USP15: variants seen among roughly 807,000 people sequenced by gnomAD.
USP15 encodes ubiquitin carboxyl-terminal hydrolase 15.
In USP15, 18 loss-of-function variants were observed where a neutral mutation model predicts 127.1. That is an observed-to-expected ratio of 0.14 (90% CI 0.10 to 0.21). The LOEUF (loss-of-function observed/expected upper bound fraction) is 0.21, where lower values mean the gene tolerates loss of function less well. Among genes scored for constraint, USP15 ranks in the 10% least tolerant of loss-of-function variants. The pLI is 1.00. For synonymous variants in USP15, 364 were observed against 393.7 expected (o/e 0.92, Z 0.89); for missense variants, 805 against 1,159.9 (o/e 0.69, Z 4.44).
intron 8 of USP15, among the ~76,000 whole-genome samples, chr12:62,370,105 G>A (rs1367151897): frequency 6.6e-6 from 1 of 152,158 alleles, no homozygotes; most frequent in African/African-American, 2.4e-5. Context: ...CTCCCGAGTA[G>A]CTGGGACCAC....
intron 1 of USP15, among the ~76,000 whole-genome samples, chr12:62,286,862 G>A (rs1453519686): frequency 1.3e-5 from 2 of 151,900 alleles, no homozygotes; most frequent in African/African-American, 4.8e-5. Flanking sequence ...GCTTGAACCC[G>A]GGAGGTGGAA....
chr12:62,329,878 C>G (rs1319643675), intron 6 of USP15, among the ~76,000 whole-genome samples: 1 of 152,106 alleles, frequency 6.6e-6, no homozygotes, highest in East Asian at 1.9e-4. Flanking sequence ...ATAATTAAAT[C>G]AGAAGTGTTT....
At chr12:62,394,978 GCT>G (rs2067442037) in intron 19 of USP15, among the ~76,000 whole-genome samples, 1 of 151,940 alleles carries the variant, frequency 6.6e-6, no homozygotes, top group African/African-American at 2.4e-5. Flanking sequence ...ATAATAATAA[GCT>G]ATTTACAAGA....
At chr12:62,394,739 C>T (rs1227704837) in intron 19 of USP15, among the ~76,000 whole-genome samples, 1 of 151,874 alleles carries the variant, frequency 6.6e-6, no homozygotes, top group African/African-American at 2.4e-5. Context: ...GTCCCAGCTA[C>T]TCGGGAGGCT....
intron 5 of USP15, among the ~76,000 whole-genome samples, chr12:62,323,944 A>C (rs1423790077): frequency 6.6e-6 from 1 of 152,046 alleles, no homozygotes; most frequent in Non-Finnish European, 1.5e-5. Flanking sequence ...TAAATTTTTC[A>C]GACTTTATAA....
In USP15 at chr12:62,314,914, T is replaced by C; in HGVS notation, c.473T>C (p.Ile158Thr). ...VTRRFSKADT[I>T]DTIEKEIRKI... ...CGAAGATTTAGCAAAGCTGACACAATAGGTAATGCAAGATCCTGTCTTGTT... is the reference window on the plus strand; with the variant it reads ...CGAAGATTTAGCAAAGCTGACACAACAGGTAATGCAAGATCCTGTCTTGTT... Residue 158 changes from isoleucine (I) to threonine (T), a missense_variant and splice_region_variant, in exon 4 of 22, where the codon ATA becomes ACA. This residue lies in a region of USP15 where 57 missense variants were observed against 47.3 expected (regional missense o/e 1.20). Coordinates refer to ENST00000280377, the MANE Select transcript of USP15 (RefSeq NM_001252078.2). The C allele has an allele frequency of 6.3e-7, 1 of 1,576,022 alleles. No individual in the cohort carries two copies. Among genetic ancestry groups the C allele is most frequent in the Non-Finnish European group, 8.6e-7 (1 of 1,161,560 alleles).
chr12:62,313,879 A>G (rs1366035003), intron 3 of USP15: 1 of 183,970 alleles, frequency 5.4e-6, no homozygotes, highest in Non-Finnish European at 1.0e-5. Context: ...AAGTTTGTAA[A>G]GTCCTCTTTT....
intron 3 of USP15, chr12:62,304,771 C>T (rs754666176): frequency 1.1e-5 from 5 of 439,462 alleles, no homozygotes; most frequent in Non-Finnish European, 2.3e-5. Flanking sequence ...TAGAAACAGA[C>T]CCATAAGAAA....
intron 8 of USP15, among the ~76,000 whole-genome samples, chr12:62,373,687 T>C (rs953169247): frequency 3.3e-5 from 5 of 151,818 alleles, no homozygotes; most frequent in Admixed American, 6.6e-5. Flanking sequence ...CCATTTCTAT[T>C]TTACTTGCCT....
chr12:62,284,169 A>G (rs1243615189), intron 1 of USP15, among the ~76,000 whole-genome samples: 6 of 152,346 alleles, frequency 3.9e-5, no homozygotes, highest in South Asian at 2.1e-4. Context: ...TCACTTTGGT[A>G]AAGATGGCAG....
chr12:62,297,633 A>T (rs539825803), intron 2 of USP15, among the ~76,000 whole-genome samples: 6 of 152,346 alleles, frequency 3.9e-5, no homozygotes, highest in African/African-American at 1.4e-4. Flanking sequence ...ATATCCACAA[A>T]AAAAGTTTGA....
chr12:62,278,726 A>G (rs1336521513), intron 1 of USP15: 1 of 152,154 alleles, frequency 6.6e-6, no homozygotes. Flanking sequence ...TAAGTAAAAA[A>G]TCCATTTAAT....
intron 5 of USP15, 95 bp downstream of exon 5, chr12:62,321,704 G>A: frequency 9.6e-7 from 1 of 1,039,628 alleles, no homozygotes; most frequent in South Asian, 4.0e-5. Context: ...GGGCTGTACT[G>A]TTTCTGGCTT....
chr12:62,389,674 A>G lies in USP15; in HGVS notation c.1627A>G (p.Ile543Val). The change falls in exon 13 of 22, where the codon ATT becomes GTT. Residue 543 changes from isoleucine (I) to valine (V), a missense_variant. Transcript: ENST00000280377. ...IFAMDENLSS[I>V]MERDDIYVFE... ...CGCTATGGATGAAAACCTTAGTAGT[A>G]TTATGGAACGGGATGATATTTATGT... is the stretch of plus-strand genomic sequence containing the variant. 2.5e-6 allele frequency: 4 copies of G among 1,613,334 alleles called. No homozygotes were observed. The highest frequency in any genetic ancestry group is 2.5e-6 in the Non-Finnish European group (3 of 1,179,520).
At chr12:62,399,757 A>G (rs1418545826) in intron 20 of USP15, among the ~76,000 whole-genome samples, 1 of 152,176 alleles carries the variant, frequency 6.6e-6, no homozygotes, top group African/African-American at 2.4e-5. Context: ...GTAGTTACTC[A>G]GTAAAATTGT....
chr12:62,358,162 A>G (rs577671055), intron 8 of USP15, among the ~76,000 whole-genome samples: 2 of 152,210 alleles, frequency 1.3e-5, no homozygotes, highest in East Asian at 3.9e-4. Flanking sequence ...CATATGTTAA[A>G]AAAAAAAGAG....
chr12:62,383,079 G>C (rs1348220674), intron 9 of USP15, among the ~76,000 whole-genome samples: 1 of 151,806 alleles, frequency 6.6e-6, no homozygotes, highest in Non-Finnish European at 1.5e-5. Flanking sequence ...AAGCTTTGTT[G>C]AGTGCTTACT....
chr12:62,345,823 A>G (rs1189780728), intron 6 of USP15, among the ~76,000 whole-genome samples: 2 of 152,184 alleles, frequency 1.3e-5, no homozygotes, highest in Non-Finnish European at 2.9e-5. Flanking sequence ...AGGCAAAGAA[A>G]GAGAGCTTGT....
chr12:62,339,209 A>G (rs1457403851), intron 6 of USP15, among the ~76,000 whole-genome samples: 1 of 152,108 alleles, frequency 6.6e-6, no homozygotes, highest in East Asian at 1.9e-4. Context: ...TTCGGTGTAT[A>G]GGAATGCTTG....
Sources: gnomAD v4.1 joint callset for allele counts (sites outside exome capture counted in the v4.1 genomes callset) on GRCh38, gnomAD v4.1.1 for gene constraint, gnomAD v4.1.1 regional missense constraint, MANE v1.5 for transcripts, NCBI Gene and HGNC (gene_info 2026-07-23, HGNC 2026-07-21) for gene names.